Variants in SLC35F3 observed in about 807,000 individuals in gnomAD.
SLC35F3 encodes putative thiamine transporter SLC35F3.
In SLC35F3, 25 loss-of-function variants were observed where a neutral mutation model predicts 49.9. That is an observed-to-expected ratio of 0.50 (90% CI 0.37 to 0.70). SLC35F3 has a LOEUF of 0.70. Ranked by LOEUF, SLC35F3 falls within the 30% of genes least tolerant of loss-of-function variation. The probability of loss-of-function intolerance (pLI) is 0.00; values close to 1 mark genes in which losing one functional copy is unlikely to be tolerated. For missense variants in SLC35F3, 525 were observed against 639.8 expected, an observed-to-expected ratio of 0.82 and a Z score of 1.94; for synonymous variants, 275 against 265.4, an observed-to-expected ratio of 1.04 and a Z score of -0.35.
At chr1:234,058,276 G>A (rs1032330637) in intron 2 of SLC35F3, among the ~76,000 whole-genome samples, 9 of 137,184 alleles carry the variant, frequency 6.6e-5, no homozygotes, top group Non-Finnish European at 1.5e-5. Context: ...CCTATAATAA[G>A]TCTCAGTCTC....
chr1:234,142,388 C>T (rs1438959772), intron 2 of SLC35F3, among the ~76,000 whole-genome samples: 1 of 152,166 alleles, frequency 6.6e-6, no homozygotes, highest in Non-Finnish European at 1.5e-5. Flanking sequence ...GGAGCTCATG[C>T]CCACGGCCCT....
At chr1:233,938,935 G>A (rs974813150) in intron 2 of SLC35F3, among the ~76,000 whole-genome samples, 2 of 152,168 alleles carry the variant, frequency 1.3e-5, no homozygotes, top group African/African-American at 4.8e-5. Context: ...AAAAGCATCC[G>A]TTCGGCTTAA....
In SLC35F3 at chr1:234,214,434, G is replaced by C; in HGVS notation, c.284-16983G>C. 2 of 1,478,976 alleles carry C rather than the reference G, an allele frequency of 1.4e-6. No homozygotes were observed. Among genetic ancestry groups the C allele is most frequent in the Non-Finnish European group, 1.8e-6 (2 of 1,112,682 alleles). The allele number at this position is 1,478,976 out of a possible 1,614,324, so 91.6% of individuals were successfully genotyped here. A position where few individuals can be genotyped will look rare whatever the true frequency, so the allele number is the denominator to read the frequency against. ...CGTCGGCCACGGGCCCGGGAGAGACGCGCTCCAGCCGGCCCCAGGATGTAG... is the reference window on the plus strand; with the variant it reads ...CGTCGGCCACGGGCCCGGGAGAGACCCGCTCCAGCCGGCCCCAGGATGTAG... On this transcript the variant is annotated intron_variant, in intron 2 of 7. Transcript: ENST00000366618. The surrounding 1 kb of genome is among the most constrained non-coding windows in gnomAD (Gnocchi z 8.0).
At chr1:233,994,288 T>C (rs1026524361) in intron 2 of SLC35F3, among the ~76,000 whole-genome samples, 2 of 152,188 alleles carry the variant, frequency 1.3e-5, no homozygotes, top group Admixed American at 6.5e-5. Context: ...TTGAGATAGG[T>C]GCTCTTATTA....
intron 2 of SLC35F3, among the ~76,000 whole-genome samples, chr1:233,990,743 A>G (rs1248125099): frequency 6.6e-6 from 1 of 152,244 alleles, no homozygotes; most frequent in Non-Finnish European, 1.5e-5. Context: ...GAATACTCAC[A>G]TTTTAAAATG....
intron 2 of SLC35F3, among the ~76,000 whole-genome samples, chr1:234,101,801 T>C (rs1387707490): frequency 6.6e-6 from 1 of 152,220 alleles, no homozygotes; most frequent in Non-Finnish European, 1.5e-5. Flanking sequence ...GTGGGTCAAA[T>C]AGTGGCTAGG....
chr1:234,209,146 C>A (rs1558261058), intron 2 of SLC35F3, among the ~76,000 whole-genome samples: 1 of 152,188 alleles, frequency 6.6e-6, no homozygotes, highest in Non-Finnish European at 1.5e-5. Flanking sequence ...GGTCAGAGGT[C>A]AAATGACCCA....
chr1:234,297,421 G>A (rs924527497), intron 3 of SLC35F3, among the ~76,000 whole-genome samples: 2 of 152,214 alleles, frequency 1.3e-5, no homozygotes, highest in Non-Finnish European at 2.9e-5. Flanking sequence ...TGGATAAAGT[G>A]TGGTATGTAT....
intron 2 of SLC35F3, among the ~76,000 whole-genome samples, chr1:234,013,173 C>G (rs1460326068): frequency 4.6e-5 from 7 of 152,084 alleles, no homozygotes; most frequent in Admixed American, 4.6e-4. Flanking sequence ...AAATCAATAA[C>G]AGGAGAAATC....
At chr1:234,230,164 C>G (rs1185397288) in intron 2 of SLC35F3, among the ~76,000 whole-genome samples, 2 of 152,200 alleles carry the variant, frequency 1.3e-5, no homozygotes, top group Non-Finnish European at 2.9e-5. Flanking sequence ...CTCTCTTTGA[C>G]TAACCATGTA....
At chr1:234,218,474 A>G (rs72760025) in intron 2 of SLC35F3, among the ~76,000 whole-genome samples, 8,226 of 152,210 alleles carry the variant, frequency 0.054, 265 homozygotes, top group Middle Eastern at 0.1. Context: ...CTCAAATAAT[A>G]GTTTTTGCTA....
chr1:233,907,032 T>C (rs1227227906), intron 2 of SLC35F3, among the ~76,000 whole-genome samples: 7 of 152,238 alleles, frequency 4.6e-5, no homozygotes, highest in African/African-American at 1.4e-4. Context: ...ATTCTCTTTT[T>C]GGTTGAAAAA....
chr1:234,284,267 C>A (rs1668375448), intron 3 of SLC35F3, among the ~76,000 whole-genome samples: 1 of 152,042 alleles, frequency 6.6e-6, no homozygotes, highest in Admixed American at 6.6e-5. Context: ...AATGGAGGCT[C>A]AGAGAAGAAA....
rs377482114 is a variant in SLC35F3, at chr1:234,231,535, G to A, written c.402G>A (p.Lys134=). ...CGTGCTCCCGGGCGCAACTCAAGAA[G>A]ATCTTCTGGGGCGTGGCGGTCGTGC... The part of the protein sequence containing the change: ...CWTCSRAQLK[K]IFWGVAVVLC... Residue 134 remains lysine, a synonymous_variant, in exon 3 of 8, where the codon AAG becomes AAA. Coordinates refer to ENST00000366618, the MANE Select transcript of SLC35F3 (RefSeq NM_173508.4). This position sits in a 1 kb window ranked among gnomAD's most constrained non-coding sequence, Gnocchi z 5.4. 2.8e-5 allele frequency: 45 copies of A among 1,614,110 alleles called. No homozygotes were observed. The African/African-American group carries it at 5.9e-4, about 21-fold the overall frequency.
Position 233,957,111 on chromosome 1 carries a change from T to G in SLC35F3, c.283+51353T>G, listed in dbSNP as rs1662717695. On this transcript the variant is annotated intron_variant, in intron 2 of 7. Coordinates refer to ENST00000366618, the MANE Select transcript of SLC35F3 (RefSeq NM_173508.4). This position sits in a 1 kb window ranked among gnomAD's most constrained non-coding sequence, Gnocchi z 4.0. ...GGTATCCTCTCTCTTACCCCGAAGG[T>G]CCAGGACCCTAAGAAACATGGGTAG... is the stretch of plus-strand genomic sequence containing the variant. 6.6e-6 allele frequency among the ~76,000 whole-genome samples: 1 copy of G among 152,204 alleles called. No homozygotes were observed. Among genetic ancestry groups the G allele is most frequent in the Non-Finnish European group, 1.5e-5 (1 of 68,008 alleles).
chr1:234,086,829 A>T (rs1463569255), intron 2 of SLC35F3, among the ~76,000 whole-genome samples: 1 of 152,226 alleles, frequency 6.6e-6, no homozygotes, highest in African/African-American at 2.4e-5. Context: ...TGTGAAGGAC[A>T]TGTAGAGATT....
intron 2 of SLC35F3, among the ~76,000 whole-genome samples, chr1:234,132,016 G>A (rs2102898754): frequency 6.6e-6 from 1 of 152,284 alleles, no homozygotes; most frequent in South Asian, 2.1e-4. Flanking sequence ...AAGCAGCTGA[G>A]ATGGGAAACA....
chr1:234,285,121 C>CA, intron 3 of SLC35F3: 1 of 275,816 alleles, frequency 3.6e-6, no homozygotes, highest in Non-Finnish European at 7.0e-6. Flanking sequence ...CCTTGGCAAA[C>CA]AAAGAAGCAG....
chr1:233,970,025 T>C (rs763787347), intron 2 of SLC35F3, among the ~76,000 whole-genome samples: 8 of 152,190 alleles, frequency 5.3e-5, no homozygotes, highest in Non-Finnish European at 1.0e-4. Flanking sequence ...TAAGGGAGGC[T>C]TGGAAAAATA....
Sources: allele counts gnomAD v4.1 joint callset (sites outside exome capture counted in the v4.1 genomes callset), GRCh38; gene constraint gnomAD v4.1.1; non-coding constraint Gnocchi (gnomAD v3.1); transcripts MANE v1.5; gene names NCBI Gene and HGNC (gene_info 2026-07-23, HGNC 2026-07-21).